TPPP: variants seen among roughly 807,000 people sequenced by gnomAD.
TPPP encodes the protein tubulin polymerization promoting protein.
In TPPP, 6 loss-of-function variants were observed where a neutral mutation model predicts 15.5. That is an observed-to-expected ratio of 0.39 (90% CI 0.21 to 0.77). TPPP has a LOEUF of 0.77. TPPP is among the 30% of genes least tolerant of loss of function. TPPP has a pLI of 0.42. For synonymous variants in TPPP, 146 were observed against 133.9 expected (o/e 1.09, Z -0.63); for missense variants, 269 against 307.2 (o/e 0.88, Z 0.93).
At chr5:681,677 C>G (rs1369274848) in intron 1 of TPPP, among the ~76,000 whole-genome samples, 1 of 151,838 alleles carries the variant, frequency 6.6e-6, no homozygotes, top group African/African-American at 2.4e-5. Context: ...CCCACTCCCA[C>G]CCACCCCCAG....
rs373495081 is a variant in TPPP at position 674,022 on chromosome 5, C to T, written c.311+3728G>A. The stretch of plus-strand genomic sequence containing the variant: ...AACTTTCTGCAGAAGGAATCACAGC[C>T]GGCACTGCACTTGGTGTGTCCGGGC... On this transcript the variant is annotated intron_variant, in intron 2 of 3. Coordinates refer to ENST00000360578, the MANE Select transcript of TPPP (RefSeq NM_007030.3). Among the ~76,000 whole-genome samples the T allele has an allele frequency of 7.2e-5, 11 of 152,212 alleles. No individual in the cohort carries two copies. In the East Asian group the frequency reaches 1.9e-3, roughly 27 times the overall value.
the TPPP span, among the ~76,000 whole-genome samples, chr5:700,457 G>A: frequency 6.6e-6 from 1 of 151,966 alleles, no homozygotes; most frequent in Non-Finnish European, 1.5e-5. Flanking sequence ...GTGGAAGGGG[G>A]TGAGAGTTGA....
chr5:665,385 C>A lies in TPPP; in HGVS notation c.466-89G>T, dbSNP rs546337589. On this transcript the variant is annotated intron_variant, in intron 3 of 3. Coordinates refer to ENST00000360578, the MANE Select transcript of TPPP (RefSeq NM_007030.3). ...ATGGCTGTGCCCTGGGCAGGTCTCC[C>A]AGCGGTGGGGCACTGGGCAAGGGGC... 2,125 of 1,287,270 alleles carry A rather than the reference C, an allele frequency of 1.7e-3. 6 individuals are homozygous for A. The highest frequency in any genetic ancestry group is 1.8e-3 in the Non-Finnish European group (1,670 of 931,990). The allele number at this position is 1,287,270 out of a possible 1,614,324, so 79.7% of individuals were successfully genotyped here. A position where few individuals can be genotyped will look rare whatever the true frequency, so the allele number is the denominator to read the frequency against.
At chr5:686,226 C>A (rs1200462690) in intron 1 of TPPP, among the ~76,000 whole-genome samples, 1 of 152,248 alleles carries the variant, frequency 6.6e-6, no homozygotes, top group Non-Finnish European at 1.5e-5. Context: ...TCAACCATGT[C>A]GGAGACTCGG....
chr5:685,019 C>T (rs1314811833), intron 1 of TPPP, among the ~76,000 whole-genome samples: 1 of 152,208 alleles, frequency 6.6e-6, no homozygotes, highest in Non-Finnish European at 1.5e-5. Flanking sequence ...GACACACGTC[C>T]AGAGAGGTCA....
chr5:698,240 C>T (rs2126921485), upstream of TPPP, among the ~76,000 whole-genome samples: 1 of 152,130 alleles, frequency 6.6e-6, no homozygotes, highest in South Asian at 2.1e-4. Context: ...AGTATTCCTT[C>T]TAAGAACTGG....
At chr5:667,391 T>C (rs1289056158) in intron 2 of TPPP, among the ~76,000 whole-genome samples, 1 of 152,172 alleles carries the variant, frequency 6.6e-6, no homozygotes, top group Non-Finnish European at 1.5e-5. Flanking sequence ...TGCACTTTGG[T>C]CTATACTGCA....
In TPPP at chr5:665,181, TC is replaced by T; in HGVS notation, c.580del (p.Asp194IlefsTer258). 1 of 1,613,752 alleles carries T rather than the reference TC, an allele frequency of 6.2e-7. No individual in the cohort carries two copies. Among genetic ancestry groups the T allele is most frequent in the Non-Finnish European group, 8.5e-7 (1 of 1,179,994 alleles). The stretch of plus-strand genomic sequence containing the variant: ...CACATAGCCTGACTCGTCCACCAGA[TC>T]CACGCGGCCAGCCTTGCCCTTGCCC... ...GKGKGKAGRV[D>X]LVDESGYVSG... On this transcript the variant is annotated frameshift_variant, in exon 4 of 4. Coordinates refer to ENST00000360578, the MANE Select transcript of TPPP (RefSeq NM_007030.3). LOFTEE classifies it high-confidence loss of function.
chr5:683,932 G>A (rs1280979232), intron 1 of TPPP, among the ~76,000 whole-genome samples: 2 of 152,178 alleles, frequency 1.3e-5, no homozygotes, highest in Non-Finnish European at 2.9e-5. Context: ...GAACCTTTAC[G>A]CCCAAGTCCT....
chr5:683,155 C>T (rs1273618986), intron 1 of TPPP, among the ~76,000 whole-genome samples: 2 of 152,206 alleles, frequency 1.3e-5, no homozygotes, highest in Admixed American at 6.5e-5. Context: ...CGCTCGCAGG[C>T]AAGTGCCCAT....
chr5:665,123 C>G lies in TPPP; in HGVS notation c.639G>C (p.Gln213His). 1 of 1,611,914 alleles carries G rather than the reference C, an allele frequency of 6.2e-7. No individual in the cohort carries two copies. The highest frequency in any genetic ancestry group is 8.5e-7 in the Non-Finnish European group (1 of 1,179,954). ...GGGGCTACTTGCCCCCTTGCACCTTCTGGTCGTAGGTGCCTGCGTGCTTGT... is the reference window on the plus strand; with the variant it reads ...GGGGCTACTTGCCCCCTTGCACCTTGTGGTCGTAGGTGCCTGCGTGCTTGT... ...SGYKHAGTYDQKVQGGK is the reference protein window; with the variant it reads ...SGYKHAGTYDHKVQGGK Residue 213 changes from glutamine to histidine, a missense_variant, in exon 4 of 4, where the codon CAG becomes CAC. Physicochemically the swap from Gln to His is conservative, Grantham distance 24. Coordinates refer to ENST00000360578, the MANE Select transcript of TPPP (RefSeq NM_007030.3).
chr5:665,175 A>G lies in TPPP; in HGVS notation c.587T>C (p.Val196Ala). 6.2e-7 allele frequency: 1 copy of G among 1,613,704 alleles called. No homozygotes were observed. The highest frequency in any genetic ancestry group is 8.5e-7 in the Non-Finnish European group (1 of 1,179,966). Residue 196 changes from valine to alanine, a missense_variant, in exon 4 of 4, where the codon GTG becomes GCG. Physicochemically the swap from Val to Ala is moderately conservative, Grantham distance 64 (BLOSUM62 0). Transcript: ENST00000360578. Reference sequence around the variant, plus strand: ...GCCGGACACATAGCCTGACTCGTCCACCAGATCCACGCGGCCAGCCTTGCC... The same window carrying G: ...GCCGGACACATAGCCTGACTCGTCCGCCAGATCCACGCGGCCAGCCTTGCC... ...GKGKAGRVDLVDESGYVSGYK... is the reference protein window; with the variant it reads ...GKGKAGRVDLADESGYVSGYK...
intron 1 of TPPP, among the ~76,000 whole-genome samples, chr5:682,638 T>A (rs1415717414): frequency 6.6e-6 from 1 of 152,018 alleles, no homozygotes; most frequent in African/African-American, 2.4e-5. Context: ...GCCAGGGGTC[T>A]GCCCCTTGGG....
At chr5:666,538 A>C (rs1739923112) in intron 2 of TPPP, among the ~76,000 whole-genome samples, 1 of 152,156 alleles carries the variant, frequency 6.6e-6, no homozygotes, top group South Asian at 2.1e-4. Context: ...GGTGTCCCCC[A>C]CACAGGAACA....
chr5:667,829 C>G (rs1739987326), intron 2 of TPPP, among the ~76,000 whole-genome samples: 1 of 150,566 alleles, frequency 6.6e-6, no homozygotes, highest in African/African-American at 2.5e-5. Flanking sequence ...TACAGACAAG[C>G]ACACGGAGAG....
chr5:680,061 C>T (rs1297517643), intron 1 of TPPP, among the ~76,000 whole-genome samples: 5 of 110,982 alleles, frequency 4.5e-5, no homozygotes, highest in African/African-American at 8.5e-5. Context: ...GGCCAGCAGG[C>T]GATTTCAGAC....
intron 1 of TPPP, among the ~76,000 whole-genome samples, chr5:683,433 G>A (rs1382589941): frequency 2.6e-5 from 4 of 152,320 alleles, no homozygotes; most frequent in East Asian, 3.9e-4. Flanking sequence ...CAGGAGCCCC[G>A]CGTGCTTCTG....
Position 659,988 on chromosome 5 carries a change from C to T in TPPP, c.*5114G>A, listed in dbSNP as rs1056385741. 2 of 152,364 alleles carry T rather than the reference C, an allele frequency of 1.3e-5. No homozygotes were observed. The highest frequency in any genetic ancestry group is 2.9e-5 in the Non-Finnish European group (2 of 68,048). 9.4% of individuals were successfully genotyped at this position (152,364 alleles called of 1,614,324 possible). On this transcript the variant is annotated 3_prime_UTR_variant, in exon 4 of 4. Coordinates refer to ENST00000360578, the MANE Select transcript of TPPP (RefSeq NM_007030.3). ...CTACAGGTTTGCAAGCCAGGCTCAA[C>T]AGCAAGTCCAACAGGCAACACCACA...
chr5:677,855 C>T lies in TPPP; in HGVS notation c.206G>A (p.Arg69Lys), dbSNP rs1740501201. Residue 69 changes from arginine (R) to lysine (K), a missense_variant, in exon 2 of 4, where the codon AGG becomes AAG. Transcript: ENST00000360578. ...CGACCAGTTCTTGCCGTGCATCTCC[C>T]TCCCGGTGGCCCTGGCGTCCCCGTG... ...AVHGDARATG[R>K]EMHGKNWSKL... is the part of the protein sequence containing the mutation. The T allele has an allele frequency of 2.5e-6, 4 of 1,612,604 alleles. No individual in the cohort carries two copies. Among genetic ancestry groups the T allele is most frequent in the Non-Finnish European group, 3.4e-6 (4 of 1,179,836 alleles).
Sources: gnomAD v4.1 joint callset for allele counts (sites outside exome capture counted in the v4.1 genomes callset) on GRCh38, gnomAD v4.1.1 for gene constraint, MANE v1.5 for transcripts, NCBI Gene and HGNC (gene_info 2026-07-23, HGNC 2026-07-21) for gene names.